The following APLF variants were observed in gnomAD, a reference collection of about 807,000 sequenced individuals.
APLF encodes the protein aprataxin and PNKP like factor.
Under a neutral mutation model 55.6 loss-of-function variants are expected in APLF, and 61 were observed. The observed-to-expected ratio is 1.10, with a 90% CI of 0.89 to 1.36. The LOEUF is 1.36. Ranked by LOEUF, APLF falls within the 40% of genes most tolerant of loss-of-function variation. The probability of loss-of-function intolerance (pLI) is 0.00; values close to 1 mark genes in which losing one functional copy is unlikely to be tolerated. For synonymous variants in APLF, 207 were observed against 214.8 expected (o/e 0.96, Z 0.32); for missense variants, 611 against 602.5 (o/e 1.01, Z -0.15).
intron 5 of APLF, among the ~76,000 whole-genome samples, chr2:68,523,999 T>A (rs1164082406): frequency 6.6e-6 from 1 of 151,950 alleles, no homozygotes; most frequent in Non-Finnish European, 1.5e-5. Flanking sequence ...ATATATTTTT[T>A]AATTTTAGAA....
chr2:68,516,948 ATAATATAATATATAATAAT>A (rs1282792472), intron 5 of APLF, among the ~76,000 whole-genome samples: 11 of 125,828 alleles, frequency 8.7e-5, no homozygotes, highest in African/African-American at 3.4e-4. Context: ...TATAATATAT[ATAATATAATATATAATAAT>A]ATAATATAAT....
At chr2:68,487,353 G>A (rs1676216723) in intron 1 of APLF, among the ~76,000 whole-genome samples, 1 of 152,206 alleles carries the variant, frequency 6.6e-6, no homozygotes, top group South Asian at 2.1e-4. Context: ...GCAATACAAC[G>A]TTAAGAGCAT....
intron 6 of APLF, 41 bp from the exon 7 acceptor site, chr2:68,537,831 T>C: frequency 7.1e-7 from 1 of 1,400,612 alleles, no homozygotes; most frequent in Non-Finnish European, 9.7e-7. Flanking sequence ...TTTTTAAAAA[T>C]GTTTCATTTA....
chr2:68,519,484 G>A (rs1377027078), intron 5 of APLF, among the ~76,000 whole-genome samples: 1 of 149,246 alleles, frequency 6.7e-6, no homozygotes, highest in Non-Finnish European at 1.5e-5. Context: ...TTATTTGCAG[G>A]GACCAGTTCA....
At chr2:68,538,889 C>A (rs1670476794) in intron 7 of APLF, among the ~76,000 whole-genome samples, 1 of 152,096 alleles carries the variant, frequency 6.6e-6, no homozygotes, top group African/African-American at 2.4e-5. Flanking sequence ...ACCAAATATC[C>A]TAGCAATCCT....
At chr2:68,559,821 A>G (rs1356807674) in intron 8 of APLF, among the ~76,000 whole-genome samples, 2 of 152,056 alleles carry the variant, frequency 1.3e-5, no homozygotes, top group Non-Finnish European at 2.9e-5. Flanking sequence ...AACTGGAGCA[A>G]TTCTTTAAAG....
chr2:68,579,959 A>G lies in APLF; in HGVS notation c.*1937A>G. The G allele has an allele frequency of 1.2e-6, 1 of 837,020 alleles. No homozygotes were observed. The highest frequency in any genetic ancestry group is 1.4e-6 in the Non-Finnish European group (1 of 694,804). 51.8% of individuals were successfully genotyped at this position (837,020 alleles called of 1,614,324 possible). A position where few individuals can be genotyped will look rare whatever the true frequency, so the allele number is the denominator to read the frequency against. On this transcript the variant is annotated 3_prime_UTR_variant, in exon 10 of 10. Coordinates refer to ENST00000303795, the MANE Select transcript of APLF (RefSeq NM_173545.3). ...TGCACGTGAACTATATATTTCAATA[A>G]ATCTGTCACAAAAAAGTAATGCAAA...
rs545485283 is a variant in APLF at position 68,549,654 on chromosome 2, G to C, written c.1286+4342G>C. Among the ~76,000 whole-genome samples the C allele has an allele frequency of 2.6e-5, 4 of 152,120 alleles. No individual in the cohort carries two copies. The South Asian group carries it at 8.3e-4, about 32-fold the overall frequency. On this transcript the variant is annotated intron_variant, in intron 8 of 9. Coordinates refer to ENST00000303795, the MANE Select transcript of APLF (RefSeq NM_173545.3). ...AGTAAGGTTTTATAAATGTCGATTT[G>C]GTCAAATGGTTATAGTGTTGTTCAG...
intron 6 of APLF, among the ~76,000 whole-genome samples, chr2:68,536,577 AG>A (rs760214418): frequency 3.9e-5 from 6 of 152,130 alleles, no homozygotes; most frequent in Non-Finnish European, 8.8e-5. Flanking sequence ...TAAGTAATTA[AG>A]GGGTCATTTT....
chr2:68,509,670 G>A (rs1330286583), intron 3 of APLF, among the ~76,000 whole-genome samples: 1 of 152,042 alleles, frequency 6.6e-6, no homozygotes, highest in African/African-American at 2.4e-5. Context: ...CGATTCCTCA[G>A]GGATCTAGAA....
At chr2:68,467,901 G>C (rs903127558) in intron 1 of APLF, 74 bp downstream of exon 1, 3 of 1,132,772 alleles carry the variant, frequency 2.6e-6, no homozygotes, top group Non-Finnish European at 3.3e-6. Context: ...ACCGGCCCTA[G>C]TCCTGGCCGG....
At chr2:68,516,956 A>C (rs1487319900) in intron 5 of APLF, among the ~76,000 whole-genome samples, 1 of 126,222 alleles carries the variant, frequency 7.9e-6, no homozygotes, top group Non-Finnish European at 1.6e-5. Context: ...ATATAATATA[A>C]TATATAATAA....
At chr2:68,488,329 C>CTTTT (rs60462016) in intron 1 of APLF, among the ~76,000 whole-genome samples, 1 of 128,878 alleles carries the variant, frequency 7.8e-6, no homozygotes, top group Non-Finnish European at 1.7e-5. Context: ...CATTTATTAT[C>CTTTT]TTTTTTTTTT....
At chr2:68,518,744 CATT>C (rs1303993669) in intron 5 of APLF, among the ~76,000 whole-genome samples, 15 of 119,446 alleles carry the variant, frequency 1.3e-4, no homozygotes, top group East Asian at 4.7e-4. Context: ...ATGAATATAT[CATT>C]AATATATAAT....
At chr2:68,558,706 C>G (rs963008188) in intron 8 of APLF, among the ~76,000 whole-genome samples, 5 of 152,002 alleles carry the variant, frequency 3.3e-5, no homozygotes, top group Non-Finnish European at 5.9e-5. Flanking sequence ...AAACATTTGC[C>G]ATGATGGTTT....
intron 1 of APLF, among the ~76,000 whole-genome samples, chr2:68,480,312 T>C (rs1415518345): frequency 6.6e-6 from 1 of 151,136 alleles, no homozygotes; most frequent in Non-Finnish European, 1.5e-5. Context: ...CTTTTTTTTT[T>C]TTTGTTTTTT....
intron 8 of APLF, among the ~76,000 whole-genome samples, chr2:68,551,754 CT>C (rs369676795): frequency 7.9e-4 from 111 of 141,264 alleles, no homozygotes; most frequent in Admixed American, 1.1e-3. Flanking sequence ...GGTTCTGCTT[CT>C]TTTTTTTTTT....
intron 8 of APLF, among the ~76,000 whole-genome samples, chr2:68,560,477 G>A (rs1418593005): frequency 6.6e-6 from 1 of 152,008 alleles, no homozygotes; most frequent in African/African-American, 2.4e-5. Flanking sequence ...TTATAACTTT[G>A]TCATAATGGA....
Position 68,578,203 on chromosome 2 carries a change from T to C in APLF, c.*181T>C. 1 of 1,346,258 alleles carries C rather than the reference T, an allele frequency of 7.4e-7. No individual in the cohort carries two copies. Among genetic ancestry groups the C allele is most frequent in the South Asian group, 1.8e-5 (1 of 55,268 alleles). 83.4% of individuals were successfully genotyped at this position (1,346,258 alleles called of 1,614,324 possible). On this transcript the variant is annotated 3_prime_UTR_variant, in exon 10 of 10. Transcript: ENST00000303795. ...TCAGCCTTCAGTATAATAGATGGAATTTTTTGTTGCCTTGCCTTTTCTTTC... is the reference window on the plus strand; with the variant it reads ...TCAGCCTTCAGTATAATAGATGGAACTTTTTGTTGCCTTGCCTTTTCTTTC...
Sources: allele counts gnomAD v4.1 joint callset (sites outside exome capture counted in the v4.1 genomes callset), GRCh38; gene constraint gnomAD v4.1.1; transcripts MANE v1.5; gene names NCBI Gene and HGNC (gene_info 2026-07-23, HGNC 2026-07-21).